The following TTC21B variants were observed in gnomAD, a reference collection of about 807,000 sequenced individuals.
The protein encoded by TTC21B is tetratricopeptide repeat protein 21B.
In TTC21B, 127 loss-of-function variants were observed where a neutral mutation model predicts 175.1. That is an observed-to-expected ratio of 0.73 (90% CI 0.63 to 0.84). The LOEUF is 0.84. Among genes scored for constraint, TTC21B ranks in the 40% least tolerant of loss-of-function variants. The probability of loss-of-function intolerance (pLI) is 0.00; values close to 1 mark genes in which losing one functional copy is unlikely to be tolerated. For missense variants in TTC21B, 1,561 were observed against 1,558.3 expected (o/e 1.00, Z -0.03); for synonymous variants, 524 against 524.5 (o/e 1.00, Z 0.01).
intron 6 of TTC21B, among the ~76,000 whole-genome samples, chr2:165,938,987 A>G (rs1450351010): frequency 6.6e-6 from 1 of 152,182 alleles, no homozygotes; most frequent in Non-Finnish European, 1.5e-5. Flanking sequence ...TATTGTCATT[A>G]TGTTGTAGAG....
intron 25 of TTC21B, among the ~76,000 whole-genome samples, chr2:165,886,501 GAAAA>G (rs1020594105): frequency 6.6e-6 from 1 of 151,376 alleles, no homozygotes; most frequent in African/African-American, 2.4e-5. Context: ...GGAGTTAAAA[GAAAA>G]AAAAGTGAGA....
intron 1 of TTC21B, among the ~76,000 whole-genome samples, chr2:165,950,599 T>TTGAA (rs1687731331): frequency 6.6e-6 from 1 of 152,126 alleles, no homozygotes; most frequent in South Asian, 2.1e-4. Context: ...AATCTAAGGG[T>TTGAA]ATCTAGACAG....
At chr2:165,938,294 G>C (rs1480380766) in intron 6 of TTC21B, among the ~76,000 whole-genome samples, 1 of 151,802 alleles carries the variant, frequency 6.6e-6, no homozygotes, top group Non-Finnish European at 1.5e-5. Context: ...TAACTAACCA[G>C]GAGAAGAGAA....
intron 20 of TTC21B, 49 bp from the exon 21 acceptor site, chr2:165,899,929 T>C: frequency 1.7e-6 from 2 of 1,162,872 alleles, no homozygotes; most frequent in Non-Finnish European, 2.5e-6. Flanking sequence ...GAATAAAAAG[T>C]CAATGAGGAA....
chr2:165,923,574 A>G (rs572698422), intron 12 of TTC21B, among the ~76,000 whole-genome samples: 1 of 149,010 alleles, frequency 6.7e-6, no homozygotes, highest in Non-Finnish European at 1.5e-5. Context: ...CCTCCCGAGT[A>G]GCTGGGACTA....
At chr2:165,896,039 C>T (rs965006811) in intron 22 of TTC21B, among the ~76,000 whole-genome samples, 3 of 152,046 alleles carry the variant, frequency 2.0e-5, no homozygotes, top group African/African-American at 4.8e-5. Context: ...TTATTAAAAG[C>T]GTTACTAGAG....
chr2:165,927,356 T>A lies in TTC21B; in HGVS notation c.1386+1779A>T, dbSNP rs561474098. Among the ~76,000 whole-genome samples, 110 of 84,954 alleles carry A rather than the reference T, an allele frequency of 1.3e-3. 5 individuals carry two copies. Among genetic ancestry groups the A allele is most frequent in the African/African-American group, 3.4e-3 (93 of 27,494 alleles). 55.7% of individuals were successfully genotyped at this position (84,954 alleles called of 152,430 possible). A position where few individuals can be genotyped will look rare whatever the true frequency, so the allele number is the denominator to read the frequency against. ...AATATATAATATATATATAATATAT[T>A]TTATATATATATATATATATCCTAT... On this transcript the variant is annotated intron_variant, in intron 11 of 28. Coordinates refer to ENST00000243344, the MANE Select transcript of TTC21B (RefSeq NM_024753.5).
At chr2:165,888,195 G>T in intron 25 of TTC21B, 84 bp downstream of exon 25, 1 of 1,146,644 alleles carries the variant, frequency 8.7e-7, no homozygotes, top group Non-Finnish European at 1.3e-6. Context: ...TCAATCTTCA[G>T]AAAATAAACA....
chr2:165,912,876 C>T (rs1348573234), intron 16 of TTC21B, among the ~76,000 whole-genome samples: 1 of 152,176 alleles, frequency 6.6e-6, no homozygotes, highest in East Asian at 1.9e-4. Context: ...AATATGTGGA[C>T]TAAGAGACAC....
In TTC21B at chr2:165,945,490, A is replaced by T. The variant is rs538684632; in HGVS notation, c.429+34T>A. The T allele has an allele frequency of 4.4e-6, 7 of 1,574,012 alleles. No individual in the cohort carries two copies. In the East Asian group the frequency reaches 1.6e-4, roughly 36 times the overall value. Reference sequence around the variant, plus strand: ...TATATCAATAACATAAGCATTTTTTAATGTTATTATTTTAAACTCAGAAAA... The same window carrying T: ...TATATCAATAACATAAGCATTTTTTTATGTTATTATTTTAAACTCAGAAAA... On this transcript the variant is annotated intron_variant, in intron 4 of 28. Coordinates refer to ENST00000243344, the MANE Select transcript of TTC21B (RefSeq NM_024753.5).
intron 22 of TTC21B, among the ~76,000 whole-genome samples, chr2:165,895,356 A>T (rs1214750856): frequency 1.3e-5 from 2 of 152,092 alleles, no homozygotes; most frequent in Non-Finnish European, 2.9e-5. Context: ...AGCAACAGAA[A>T]CTTACGTGAA....
chr2:165,937,755 T>C (rs1687206433), intron 6 of TTC21B, among the ~76,000 whole-genome samples: 2 of 140,654 alleles, frequency 1.4e-5, no homozygotes, highest in South Asian at 4.5e-4. Context: ...ATACATATTT[T>C]TAAAATATAT....
Position 165,880,674 on chromosome 2 carries a change from C to T in TTC21B, c.3805+5G>A. 6.2e-7 allele frequency: 1 copy of T among 1,613,344 alleles called. No individual in the cohort carries two copies. Among genetic ancestry groups the T allele is most frequent in the Non-Finnish European group, 8.5e-7 (1 of 1,179,668 alleles). On this transcript the variant is annotated splice_donor_5th_base_variant and intron_variant, in intron 27 of 28. Coordinates refer to ENST00000243344, the MANE Select transcript of TTC21B (RefSeq NM_024753.5). Reference sequence around the variant, plus strand: ...GTGAAAAATCTAGGTGATTGCCAAACTCACCTACTGCCGGATTTGTCCGAT... The same window carrying T: ...GTGAAAAATCTAGGTGATTGCCAAATTCACCTACTGCCGGATTTGTCCGAT...
In TTC21B at chr2:165,874,845, TA is replaced by T; in HGVS notation, c.3874-14del. 1 of 1,612,164 alleles carries T rather than the reference TA, an allele frequency of 6.2e-7. No homozygotes were observed. Among genetic ancestry groups the T allele is most frequent in the Non-Finnish European group, 8.5e-7 (1 of 1,178,618 alleles). On this transcript the variant is annotated splice_polypyrimidine_tract_variant and intron_variant, in intron 28 of 28. Transcript: ENST00000243344. ...GTGCTTCAAGAACCTGCAAAACAAA[TA>T]AAGAACCCATAAAAACTTGTAACTA...
intron 12 of TTC21B, among the ~76,000 whole-genome samples, chr2:165,920,786 A>C (rs1686367600): frequency 6.6e-6 from 1 of 152,094 alleles, no homozygotes; most frequent in African/African-American, 2.4e-5. Flanking sequence ...AATATTTAAA[A>C]TATTTTGAAG....
intron 27 of TTC21B, among the ~76,000 whole-genome samples, chr2:165,879,077 C>A (rs535454590): frequency 3.5e-4 from 54 of 152,160 alleles, no homozygotes; most frequent in African/African-American, 1.2e-3. Context: ...CAATGACAAT[C>A]TTAAGGATGA....
intron 14 of TTC21B, among the ~76,000 whole-genome samples, chr2:165,916,120 T>C (rs1686164853): frequency 6.6e-6 from 1 of 152,138 alleles, no homozygotes; most frequent in African/African-American, 2.4e-5. Context: ...CTCTACAAAA[T>C]ATTTTAAAAA....
At position 165,888,535 on chromosome 2, in the gene TTC21B, T is replaced by C; in HGVS notation, c.3264-61A>G. 6.7e-6 allele frequency: 9 copies of C among 1,351,774 alleles called. No individual in the cohort carries two copies. The South Asian group carries it at 9.7e-5, about 15-fold the overall frequency. 83.7% of individuals were successfully genotyped at this position (1,351,774 alleles called of 1,614,324 possible). Reference sequence around the variant, plus strand: ...TACTCATGATACAATTCATTGAGATTAGAATCAGCTTTTGTACACAAAAGC... The same window carrying C: ...TACTCATGATACAATTCATTGAGATCAGAATCAGCTTTTGTACACAAAAGC... On this transcript the variant is annotated intron_variant, in intron 24 of 28. Transcript: ENST00000243344.
chr2:165,918,321 G>A (rs1229934076), intron 13 of TTC21B, among the ~76,000 whole-genome samples: 1 of 152,082 alleles, frequency 6.6e-6, no homozygotes, highest in Non-Finnish European at 1.5e-5. Context: ...TTGAGATGGA[G>A]TCTCGCTCTG....
Sources: gnomAD v4.1 joint callset for allele counts (sites outside exome capture counted in the v4.1 genomes callset) on GRCh38, gnomAD v4.1.1 for gene constraint, MANE v1.5 for transcripts, NCBI Gene and HGNC (gene_info 2026-07-23, HGNC 2026-07-21) for gene names.